Variants in SPDYE6 observed in about 807,000 individuals in gnomAD.
SPDYE6 encodes the protein speedy/RINGO cell cycle regulator family member E6.
For synonymous variants in SPDYE6, 2 were observed against 103.0 expected, an observed-to-expected ratio of 0.02 and a Z score of 5.94; for missense variants, 8 against 297.9, an observed-to-expected ratio of 0.03 and a Z score of 7.16.
chr7:102,350,795 T>C lies in SPDYE6; in HGVS notation c.688A>G (p.Ile230Val). 2.1e-6 allele frequency: 3 copies of C among 1,432,686 alleles called. 1 individual carries two copies. Among genetic ancestry groups the C allele is most frequent in the Non-Finnish European group, 2.8e-6 (3 of 1,068,240 alleles). 88.7% of individuals were successfully genotyped at this position (1,432,686 alleles called of 1,614,324 possible). Residue 230 changes from isoleucine (I) to valine (V), a missense_variant, in exon 5 of 8, where the codon ATA (isoleucine) becomes GTA (valine). Ile to Val is a conservative substitution (Grantham distance 29, BLOSUM62 3). Transcript: ENST00000563237. ...VSDKYLLAMVIAYFSRAGFPS... is the reference protein window; with the variant it reads ...VSDKYLLAMVVAYFSRAGFPS... ...AAGCCAGCCCGGCTGAAATACGCTA[T>C]GACCATAGCCAGGAGATACTGATGG... is the stretch of plus-strand genomic sequence containing the variant.
chr7:102,354,041 T>TC (rs1258429743), intron 2 of SPDYE6, among the ~76,000 whole-genome samples: 2 of 53,598 alleles, frequency 3.7e-5, no homozygotes, highest in African/African-American at 1.5e-4. Context: ...TTTTTTTTTT[T>TC]TTTTTTGAGA....
At chr7:102,355,539 CT>C (rs781801543) in intron 1 of SPDYE6, among the ~76,000 whole-genome samples, 1 of 602 alleles carries the variant, frequency 1.7e-3, no homozygotes, top group African/African-American at 4.2e-3. Flanking sequence ...CCCTTCTTTT[CT>C]TTTTTTTTTT....
chr7:102,347,033 C>A lies in SPDYE6; in HGVS notation c.*234G>T. ...TTTTCTCCAAGGACTCCTAGAAGGA[C>A]CCCACCCCCCTCCCCCCACCCCTGC... On this transcript the variant is annotated 3_prime_UTR_variant, in exon 8 of 8. Transcript: ENST00000563237. 2.7e-5 allele frequency among the ~76,000 whole-genome samples: 2 copies of A among 75,158 alleles called. No individual in the cohort carries two copies. The highest frequency in any genetic ancestry group is 1.6e-4 in the Admixed American group (1 of 6,398). The allele number at this position is 75,158 out of a possible 152,430, so 49.3% of individuals were successfully genotyped here. A position where few individuals can be genotyped will look rare whatever the true frequency, so the allele number is the denominator to read the frequency against.
chr7:102,346,753 G>A lies in SPDYE6; in HGVS notation c.*514C>T, dbSNP rs3194811. Among the ~76,000 whole-genome samples the A allele has an allele frequency of 0.01, 1,589 of 151,872 alleles. 20 individuals are homozygous for A. The highest frequency in any genetic ancestry group is 0.044 in the South Asian group (207 of 4,758). On this transcript the variant is annotated 3_prime_UTR_variant, in exon 8 of 8. Transcript: ENST00000563237. The stretch of plus-strand genomic sequence containing the variant: ...TAAATCTATGAATAATTCAATGGCC[G>A]ACATTTTCCAAACAAACCAATAAAA...
rs1374411984 is a variant in SPDYE6 at position 102,346,541 on chromosome 7, G to A, written c.*726C>T. 5.3e-5 allele frequency among the ~76,000 whole-genome samples: 8 copies of A among 151,294 alleles called. No individual in the cohort carries two copies. The South Asian group carries it at 8.3e-4, about 16-fold the overall frequency. On this transcript the variant is annotated 3_prime_UTR_variant, in exon 8 of 8. Coordinates refer to ENST00000563237, the MANE Select transcript of SPDYE6 (RefSeq NM_001146210.4). ...AGTATCATAGATAAAAAGAGTGCTC[G>A]CTTCAGGAGCACATATAATAATACA...
At position 102,346,866 on chromosome 7, in the gene SPDYE6, T is replaced by C. The variant is rs1253188178; in HGVS notation, c.*401A>G. ...TGTCCCAATCTGAGCCCCTGCATTG[T>C]GCCTTCAAATCCTCCTGGACTGCAA... On this transcript the variant is annotated 3_prime_UTR_variant, in exon 8 of 8. Transcript: ENST00000563237. 7.9e-5 allele frequency among the ~76,000 whole-genome samples: 12 copies of C among 152,132 alleles called. No homozygotes were observed. The highest frequency in any genetic ancestry group is 2.9e-4 in the African/African-American group (12 of 41,520).
rs1404198017 is a variant in SPDYE6, at chr7:102,346,904, C to T, written c.*363G>A. Reference sequence around the variant, plus strand: ...TCCTGGACTGCAAGTCCGTAAGAAACAGGACCTCCAGGTTCCGCCCCAGGG... The same window carrying T: ...TCCTGGACTGCAAGTCCGTAAGAAATAGGACCTCCAGGTTCCGCCCCAGGG... On this transcript the variant is annotated 3_prime_UTR_variant, in exon 8 of 8. Transcript: ENST00000563237. Among the ~76,000 whole-genome samples the T allele has an allele frequency of 1.3e-5, 2 of 152,010 alleles. No homozygotes were observed. The highest frequency in any genetic ancestry group is 2.9e-5 in the Non-Finnish European group (2 of 67,994).
Position 102,346,645 on chromosome 7 carries a change from A to G in SPDYE6, c.*622T>C, listed in dbSNP as rs2133078660. On this transcript the variant is annotated 3_prime_UTR_variant, in exon 8 of 8. Coordinates refer to ENST00000563237, the MANE Select transcript of SPDYE6 (RefSeq NM_001146210.4). ...AATGAAAAGAAAATTAGCTTTATGTATATATAACAACTATAACTCTCATCA... is the reference window on the plus strand; with the variant it reads ...AATGAAAAGAAAATTAGCTTTATGTGTATATAACAACTATAACTCTCATCA... 6.6e-6 allele frequency among the ~76,000 whole-genome samples: 1 copy of G among 151,436 alleles called. No homozygotes were observed. Among genetic ancestry groups the G allele is most frequent in the Admixed American group, 6.6e-5 (1 of 15,218 alleles).
At chr7:102,351,895 T>A (rs1794570386) in intron 4 of SPDYE6, among the ~76,000 whole-genome samples, 171 bp downstream of exon 4, 1 of 25,882 alleles carries the variant, frequency 3.9e-5, no homozygotes, top group Admixed American at 6.9e-4. Flanking sequence ...AGCAAGACTC[T>A]GTCTCACACA....
chr7:102,351,899 TCA>T (rs1301839417), intron 4 of SPDYE6, among the ~76,000 whole-genome samples, 165 bp downstream of exon 4: 6 of 14,954 alleles, frequency 4.0e-4, no homozygotes, highest in African/African-American at 1.1e-3. Flanking sequence ...AGACTCTGTC[TCA>T]CACACACACA....
In SPDYE6 at chr7:102,346,088, G is replaced by A. The variant is rs1429987605; in HGVS notation, c.*1179C>T. Among the ~76,000 whole-genome samples, 3 of 151,358 alleles carry A rather than the reference G, an allele frequency of 2.0e-5. No individual in the cohort carries two copies. The highest frequency in any genetic ancestry group is 2.9e-5 in the Non-Finnish European group (2 of 67,832). ...CAAAGATTGAAAGGTAAAAGATTTAGGATGAAAAGAATCCTCTCTTAAAAA... is the reference window on the plus strand; with the variant it reads ...CAAAGATTGAAAGGTAAAAGATTTAAGATGAAAAGAATCCTCTCTTAAAAA... On this transcript the variant is annotated 3_prime_UTR_variant, in exon 8 of 8. Coordinates refer to ENST00000563237, the MANE Select transcript of SPDYE6 (RefSeq NM_001146210.4).
intron 2 of SPDYE6, among the ~76,000 whole-genome samples, 188 bp from the exon 3 acceptor site, chr7:102,353,576 C>T (rs1198619642): frequency 1.7e-4 from 24 of 143,568 alleles, no homozygotes; most frequent in South Asian, 2.4e-4. Flanking sequence ...CCCATTCTCC[C>T]GTTTTTCTGT....
Position 102,346,027 on chromosome 7 carries a change from C to T in SPDYE6, c.*1240G>A, listed in dbSNP as rs1196401191. Among the ~76,000 whole-genome samples the T allele has an allele frequency of 6.6e-6, 1 of 151,560 alleles. No homozygotes were observed. Among genetic ancestry groups the T allele is most frequent in the Non-Finnish European group, 1.5e-5 (1 of 67,904 alleles). On this transcript the variant is annotated 3_prime_UTR_variant, in exon 8 of 8. Transcript: ENST00000563237. Reference sequence around the variant, plus strand: ...GTTAACTAAGTATCATAGATAAAATCCATGCTCCCTTCAGCAGCACGTGTA... The same window carrying T: ...GTTAACTAAGTATCATAGATAAAATTCATGCTCCCTTCAGCAGCACGTGTA...
chr7:102,351,706 A>G (rs1794567939), intron 4 of SPDYE6, among the ~76,000 whole-genome samples: 1 of 55,048 alleles, frequency 1.8e-5, no homozygotes, highest in Non-Finnish European at 3.5e-5. Context: ...GTTCAGGACC[A>G]ACCTGGCCAA....
chr7:102,353,914 T>TC (rs1794615463), intron 2 of SPDYE6, among the ~76,000 whole-genome samples: 1 of 87,578 alleles, frequency 1.1e-5, no homozygotes, highest in Non-Finnish European at 2.2e-5. Context: ...TCTGCCTGCC[T>TC]GGCCTCCCAA....
Position 102,345,957 on chromosome 7 carries a change from A to G in SPDYE6, c.*1310T>C, listed in dbSNP as rs1794488368. On this transcript the variant is annotated 3_prime_UTR_variant, in exon 8 of 8. Coordinates refer to ENST00000563237, the MANE Select transcript of SPDYE6 (RefSeq NM_001146210.4). ...ATATCAAATAAAAATTTATTTTTAC[A>G]AGAATTTAGGGGAACTACTACATAG... 2.0e-5 allele frequency among the ~76,000 whole-genome samples: 3 copies of G among 152,002 alleles called. No individual in the cohort carries two copies. The South Asian group carries it at 6.2e-4, about 31-fold the overall frequency.
At chr7:102,351,353 T>C in intron 4 of SPDYE6, among the ~76,000 whole-genome samples, 1 of 122,510 alleles carries the variant, frequency 8.2e-6, no homozygotes, top group East Asian at 2.8e-4. Flanking sequence ...GACAGGAGGA[T>C]CATGTGAGCC....
rs1177397951 is a variant in SPDYE6 at position 102,346,593 on chromosome 7, T to C, written c.*674A>G. Among the ~76,000 whole-genome samples the C allele has an allele frequency of 6.6e-6, 1 of 151,560 alleles. No homozygotes were observed. The highest frequency in any genetic ancestry group is 1.5e-5 in the Non-Finnish European group (1 of 67,884). The stretch of plus-strand genomic sequence containing the variant: ...AAACAAATTTAAAGATAATAAAATA[T>C]TTAGGATAAAAGAATTGTCTCTTAA... On this transcript the variant is annotated 3_prime_UTR_variant, in exon 8 of 8. Coordinates refer to ENST00000563237, the MANE Select transcript of SPDYE6 (RefSeq NM_001146210.4).
At chr7:102,353,637 CTTTTTTT>C (rs374776632) in intron 2 of SPDYE6, among the ~76,000 whole-genome samples, 808 of 123,318 alleles carry the variant, frequency 6.6e-3, no homozygotes, top group Admixed American at 0.015. Flanking sequence ...CTCTGAGTCC[CTTTTTTT>C]TTTTTTTTTT....
Sources: allele counts gnomAD v4.1 joint callset (sites outside exome capture counted in the v4.1 genomes callset), GRCh38; gene constraint gnomAD v4.1.1; transcripts MANE v1.5; gene names NCBI Gene and HGNC (gene_info 2026-07-23, HGNC 2026-07-21).